Variants in TCF7L1 observed in about 807,000 individuals in gnomAD.
TCF7L1 encodes transcription factor 7-like 1.
In TCF7L1, 18 loss-of-function variants were observed where a neutral mutation model predicts 63.7. That is an observed-to-expected ratio of 0.28 (90% confidence interval 0.20 to 0.42). The LOEUF is 0.42. TCF7L1 is among the 10% of genes least tolerant of loss of function. The pLI is 1.00. For synonymous variants in TCF7L1, 355 were observed against 340.9 expected (o/e 1.04, Z -0.46); for missense variants, 654 against 779.3 (o/e 0.84, Z 1.91).
intron 3 of TCF7L1, among the ~76,000 whole-genome samples, chr2:85,239,090 A>G (rs1348565777): frequency 1.3e-5 from 2 of 152,132 alleles, no homozygotes; most frequent in Non-Finnish European, 2.9e-5. Flanking sequence ...CTGATATAAA[A>G]TTTAACGTAA....
intron 6 of TCF7L1, 77 bp downstream of exon 6, chr2:85,304,074 A>C (rs1682048899): frequency 7.8e-7 from 1 of 1,285,564 alleles, no homozygotes; most frequent in Non-Finnish European, 1.1e-6. Flanking sequence ...CGCGCCCTGC[A>C]CAGTGGAGCC....
intron 3 of TCF7L1, among the ~76,000 whole-genome samples, chr2:85,256,801 A>G (rs1261948988): frequency 1.3e-5 from 2 of 152,202 alleles, no homozygotes; most frequent in African/African-American, 2.4e-5. Flanking sequence ...CCTGGCCAAC[A>G]TGGCGAAACC....
chr2:85,226,658 C>T lies in TCF7L1; in HGVS notation c.442-56837C>T, dbSNP rs150915180. On this transcript the variant is annotated intron_variant, in intron 3 of 11. Coordinates refer to ENST00000282111, the MANE Select transcript of TCF7L1 (RefSeq NM_031283.3). ...ACTTCAGCTCTTCTCTCCCTCCTGT[C>T]CCATAATAACCACTCACTCCTAGGT... 3.9e-5 allele frequency among the ~76,000 whole-genome samples: 6 copies of T among 152,230 alleles called. No homozygotes were observed. The East Asian group carries it at 9.7e-4, about 24-fold the overall frequency.
chr2:85,161,016 A>G (rs1678272429), intron 3 of TCF7L1, among the ~76,000 whole-genome samples: 2 of 152,208 alleles, frequency 1.3e-5, no homozygotes, highest in African/African-American at 4.8e-5. Context: ...GCCCACAGGT[A>G]CATGCATGCC....
rs1348544063 is a variant in TCF7L1, at chr2:85,134,123, C to T, written c.313+44C>T. ...AGCCCCCCACTCTCGATTCCCGCTG[C>T]GCTCCGCTGCTCAGCCCGGGCGGCC... On this transcript the variant is annotated intron_variant, in intron 2 of 11. Coordinates refer to ENST00000282111, the MANE Select transcript of TCF7L1 (RefSeq NM_031283.3). The surrounding 1 kb of genome is among the most constrained non-coding windows in gnomAD (Gnocchi z 5.0). The T allele has an allele frequency of 3.1e-6, 5 of 1,599,908 alleles. No homozygotes were observed. The highest frequency in any genetic ancestry group is 2.3e-4 in the Middle Eastern group (1 of 4,394).
chr2:85,229,422 A>C (rs927646668), intron 3 of TCF7L1, among the ~76,000 whole-genome samples: 2 of 152,250 alleles, frequency 1.3e-5, no homozygotes, highest in Non-Finnish European at 2.9e-5. Context: ...AAGGTGTCCT[A>C]TAACCCCAAT....
chr2:85,196,118 G>A (rs1241952918), intron 3 of TCF7L1, among the ~76,000 whole-genome samples: 1 of 152,186 alleles, frequency 6.6e-6, no homozygotes, highest in Non-Finnish European at 1.5e-5. Context: ...AGCTTCCAGA[G>A]TGGGAGGTGA....
intron 4 of TCF7L1, among the ~76,000 whole-genome samples, chr2:85,292,166 G>A (rs1203387375): frequency 4.1e-5 from 2 of 49,042 alleles, no homozygotes; most frequent in Non-Finnish European, 5.9e-5. Flanking sequence ...GACTACAGGC[G>A]CCCGCCACTA....
rs1390024674 is a variant in TCF7L1 at position 85,152,432 on chromosome 2, TCTC to T, written c.441+17983_441+17985del. ...CTCTAAAAGGATATACCATTCTCTC[TCTC>T]TCTTTTTTTTTTTTTTTGAGACAGA... On this transcript the variant is annotated intron_variant, in intron 3 of 11. Coordinates refer to ENST00000282111, the MANE Select transcript of TCF7L1 (RefSeq NM_031283.3). Among the ~76,000 whole-genome samples the T allele has an allele frequency of 5.9e-5, 5 of 84,436 alleles. No homozygotes were observed. In the East Asian group the frequency reaches 5.0e-3, roughly 84 times the overall value. 55.4% of individuals were successfully genotyped at this position (84,436 alleles called of 152,430 possible).
intron 3 of TCF7L1, among the ~76,000 whole-genome samples, chr2:85,150,020 A>G (rs1224781051): frequency 1.3e-5 from 2 of 152,174 alleles, no homozygotes; most frequent in African/African-American, 4.8e-5. Flanking sequence ...GGAAATTAAC[A>G]TAGAGACAGT....
At chr2:85,232,001 G>A (rs758098592) in intron 3 of TCF7L1, among the ~76,000 whole-genome samples, 3 of 152,074 alleles carry the variant, frequency 2.0e-5, no homozygotes, top group African/African-American at 4.8e-5. Flanking sequence ...GAAGGACTTC[G>A]GATGGTGCCT....
intron 3 of TCF7L1, among the ~76,000 whole-genome samples, chr2:85,242,794 A>T (rs1200628932): frequency 1.3e-5 from 2 of 152,106 alleles, no homozygotes; most frequent in Admixed American, 6.6e-5. Flanking sequence ...CTCCTTCAAG[A>T]AATCTCCCCA....
Position 85,133,968 on chromosome 2 carries a change from C to T in TCF7L1, c.249+35C>T, listed in dbSNP as rs1677525259. 1.3e-6 allele frequency: 2 copies of T among 1,585,098 alleles called. No homozygotes were observed. The highest frequency in any genetic ancestry group is 1.7e-6 in the Non-Finnish European group (2 of 1,164,120). On this transcript the variant is annotated intron_variant, in intron 1 of 11. Coordinates refer to ENST00000282111, the MANE Select transcript of TCF7L1 (RefSeq NM_031283.3). The surrounding 1 kb of genome is among the most constrained non-coding windows in gnomAD (Gnocchi z 4.4). Reference sequence around the variant, plus strand: ...CACCGCGGCCACCCCCGGGGGATCCCGGCCCTGCGTCCGCTCACCCGCTCT... The same window carrying T: ...CACCGCGGCCACCCCCGGGGGATCCTGGCCCTGCGTCCGCTCACCCGCTCT...
At chr2:85,186,940 C>A (rs1678939903) in intron 3 of TCF7L1, 1 of 152,218 alleles carries the variant, frequency 6.6e-6, no homozygotes, top group African/African-American at 2.4e-5. Context: ...CACTCCTTTT[C>A]TTTGCATGTG....
intron 5 of TCF7L1, 119 bp from the exon 6 acceptor site, chr2:85,303,776 C>A (rs1466489523): frequency 4.2e-6 from 3 of 720,060 alleles, no homozygotes; most frequent in South Asian, 3.8e-5. Flanking sequence ...GACAATGACA[C>A]AAGCACCTGC....
chr2:85,237,158 C>A (rs1273096266), intron 3 of TCF7L1, among the ~76,000 whole-genome samples: 2 of 152,186 alleles, frequency 1.3e-5, no homozygotes, highest in African/African-American at 2.4e-5. Context: ...GCCCAAAATA[C>A]CTTCAAGCCT....
At chr2:85,251,598 G>C (rs1158765988) in intron 3 of TCF7L1, among the ~76,000 whole-genome samples, 1 of 152,198 alleles carries the variant, frequency 6.6e-6, no homozygotes, top group East Asian at 1.9e-4. Context: ...GGACCAGCTG[G>C]ATATAAGAGC....
chr2:85,180,259 T>C (rs1307149979), intron 3 of TCF7L1, among the ~76,000 whole-genome samples: 1 of 145,382 alleles, frequency 6.9e-6, no homozygotes, highest in Non-Finnish European at 1.5e-5. Flanking sequence ...AGAGACAGGG[T>C]CTTGCTATGT....
intron 3 of TCF7L1, among the ~76,000 whole-genome samples, chr2:85,190,170 G>C (rs956352836): frequency 6.6e-6 from 1 of 152,182 alleles, no homozygotes; most frequent in African/African-American, 2.4e-5. Context: ...CTACATTGCT[G>C]CTCCTTTCAT....
Sources: allele counts gnomAD v4.1 joint callset (sites outside exome capture counted in the v4.1 genomes callset), GRCh38; gene constraint gnomAD v4.1.1; non-coding constraint Gnocchi (gnomAD v3.1); transcripts MANE v1.5; gene names NCBI Gene and HGNC (gene_info 2026-07-23, HGNC 2026-07-21).